The following ZNF529 variants were observed in gnomAD, a reference collection of about 807,000 sequenced individuals.
The protein encoded by ZNF529 is zinc finger protein 529.
ZNF529 carries 11 observed loss-of-function variants against 10.1 expected under a neutral mutation model. The observed-to-expected ratio is 1.09, with a 90% confidence interval of 0.69 to 1.81. ZNF529 has a LOEUF of 1.81. Ranked by LOEUF, ZNF529 falls within the 40% of genes most tolerant of loss-of-function variation. The pLI, the probability that ZNF529 is intolerant of heterozygous loss-of-function variation, is 0.00. For missense variants in ZNF529, 624 were observed against 666.8 expected (o/e 0.94, Z 0.71); for synonymous variants, 204 against 215.7 (o/e 0.95, Z 0.47).
chr19:36,569,402 AG>A (rs1429427872), intron 2 of ZNF529, among the ~76,000 whole-genome samples: 1 of 152,246 alleles, frequency 6.6e-6, no homozygotes, highest in African/African-American at 2.4e-5. Context: ...AAACAGAGAA[AG>A]AACTAAAAAG....
chr19:36,546,827 G>A lies in ZNF529; in HGVS notation c.*39C>T, dbSNP rs2038267615. The A allele has an allele frequency of 1.9e-6, 3 of 1,560,554 alleles. No homozygotes were observed. Among genetic ancestry groups the A allele is most frequent in the Non-Finnish European group, 2.6e-6 (3 of 1,154,698 alleles). On this transcript the variant is annotated 3_prime_UTR_variant, in exon 5 of 5. Transcript: ENST00000591340. ...TTAAATCCATCCACAGTATTTTCCT[G>A]TGAAAATCAGAAATAAAAAACCACT...
chr19:36,573,501 G>T (rs1318541075), upstream of ZNF529: 5 of 470,840 alleles, frequency 1.1e-5, no homozygotes, highest in Non-Finnish European at 2.2e-5. Context: ...CGCGGAAGAG[G>T]CGGCTGGTGG....
rs529727599 is a variant in ZNF529, at chr19:36,572,395, A to G, written c.-46-3T>C. 40 of 1,549,822 alleles carry G rather than the reference A, an allele frequency of 2.6e-5. 1 individual carries two copies. The South Asian group carries it at 3.8e-4, about 15-fold the overall frequency. ...TCAGGGGGCCTTCACTTGCAGAACTACATAACCAAGAGGGAGAAAGGACTC... is the reference window on the plus strand; with the variant it reads ...TCAGGGGGCCTTCACTTGCAGAACTGCATAACCAAGAGGGAGAAAGGACTC... On this transcript the variant is annotated splice_region_variant and splice_polypyrimidine_tract_variant and intron_variant, in intron 1 of 4. Transcript: ENST00000591340.
chr19:36,546,137 TCA>T lies in ZNF529; in HGVS notation c.*727_*728del. On this transcript the variant is annotated 3_prime_UTR_variant, in exon 5 of 5. Transcript: ENST00000591340. ...ATAGTATACATCACACACATATACATCACACACTATATACACACATATAGTAT... is the reference window on the plus strand; with the variant it reads ...ATAGTATACATCACACACATATACATCACACTATATACACACATATAGTAT... 6.7e-6 allele frequency: 1 copy of T among 149,274 alleles called. No homozygotes were observed. Among genetic ancestry groups the T allele is most frequent in the African/African-American group, 2.5e-5 (1 of 40,652 alleles). 9.2% of individuals were successfully genotyped at this position (149,274 alleles called of 1,614,324 possible).
chr19:36,573,524 A>G, upstream of ZNF529: 1 of 467,256 alleles, frequency 2.1e-6, no homozygotes, highest in Non-Finnish European at 4.4e-6. Flanking sequence ...CCTGACGGCA[A>G]GGTGAAGTCG....
At chr19:36,562,608 G>A (rs2035746403) in intron 2 of ZNF529, among the ~76,000 whole-genome samples, 1 of 151,840 alleles carries the variant, frequency 6.6e-6, no homozygotes. Flanking sequence ...GGCCGAGGTG[G>A]GCGGATCACG....
intron 1 of ZNF529, chr19:36,593,923 A>G (rs2145282642): frequency 6.6e-6 from 1 of 152,232 alleles, no homozygotes; most frequent in East Asian, 1.9e-4. Flanking sequence ...AGCTTCCAAA[A>G]TCGGGGAGGT....
intron 2 of ZNF529, among the ~76,000 whole-genome samples, chr19:36,562,833 G>GAAA (rs35402563): frequency 1.7e-5 from 2 of 118,436 alleles, no homozygotes; most frequent in African/African-American, 3.0e-5. Context: ...TCTGTCTCCA[G>GAAA]AAAAAAAAAA....
chr19:36,590,649 G>A (rs893779237), intron 1 of ZNF529, among the ~76,000 whole-genome samples: 8 of 152,094 alleles, frequency 5.3e-5, no homozygotes, highest in African/African-American at 1.7e-4. Context: ...TAAAACCTTG[G>A]GTGGGCATGA....
intron 2 of ZNF529, among the ~76,000 whole-genome samples, chr19:36,567,752 A>C (rs536825148): frequency 1.4e-4 from 22 of 152,210 alleles, no homozygotes; most frequent in African/African-American, 5.3e-4. Context: ...TATATTTGGC[A>C]ATGGATTCTT....
chr19:36,553,355 G>A (rs968300547), intron 4 of ZNF529, among the ~76,000 whole-genome samples: 3 of 151,746 alleles, frequency 2.0e-5, no homozygotes, highest in African/African-American at 7.3e-5. Context: ...CAGGTTGGTC[G>A]CGAACTCCTG....
chr19:36,589,440 G>A (rs1415622177), intron 2 of ZNF529, among the ~76,000 whole-genome samples: 1 of 152,160 alleles, frequency 6.6e-6, no homozygotes, highest in Non-Finnish European at 1.5e-5. Context: ...ACATATCTGG[G>A]GGTCATTGAA....
intron 2 of ZNF529, among the ~76,000 whole-genome samples, chr19:36,568,510 C>T (rs1378444088): frequency 6.8e-6 from 1 of 148,080 alleles, no homozygotes; most frequent in Non-Finnish European, 1.5e-5. Flanking sequence ...CTCACTTTGT[C>T]ATCTAGGCTG....
intron 2 of ZNF529, among the ~76,000 whole-genome samples, chr19:36,560,602 T>TA (rs1242571265): frequency 6.6e-6 from 1 of 152,062 alleles, no homozygotes; most frequent in Non-Finnish European, 1.5e-5. Context: ...TTTAAAAACA[T>TA]AGACTTATAT....
Position 36,547,089 on chromosome 19 carries a change from C to T in ZNF529, c.1469G>A (p.Ser490Asn), listed in dbSNP as rs992526533. The part of the protein sequence containing the change: ...CKVCGKAFRH[S>N]SALTEHQRIH... ...TCTCTGATGTTCTGTAAGGGCTGAA[C>T]TATGTCTAAAGGCCTTCCCACATAC... The change falls in exon 5 of 5, where the codon AGT becomes AAT. Residue 490 changes from serine (S) to asparagine (N), a missense_variant. Coordinates refer to ENST00000591340, the MANE Select transcript of ZNF529 (RefSeq NM_020951.5). 9.1e-5 allele frequency: 147 copies of T among 1,613,794 alleles called. No homozygotes were observed. Among genetic ancestry groups the T allele is most frequent in the Non-Finnish European group, 1.2e-4 (142 of 1,179,946 alleles).
chr19:36,547,738 T>C lies in ZNF529; in HGVS notation c.820A>G (p.Arg274Gly). The C allele has an allele frequency of 1.9e-6, 3 of 1,613,780 alleles. No individual in the cohort carries two copies. Among genetic ancestry groups the C allele is most frequent in the South Asian group, 1.1e-5 (1 of 91,040 alleles). The change falls in exon 5 of 5, where the codon AGA becomes GGA. Residue 274 changes from arginine to glycine, a missense_variant. Transcript: ENST00000591340. ...AAGTGTTTCTCACCATCATGAACTCTTTGAAGTGGAGTAACTTTTCCAACT... is the reference window on the plus strand; with the variant it reads ...AAGTGTTTCTCACCATCATGAACTCCTTGAAGTGGAGTAACTTTTCCAACT... ...ERVGKVTPLQRVHDGEKHFEC... is the reference protein window; with the variant it reads ...ERVGKVTPLQGVHDGEKHFEC...
intron 2 of ZNF529, among the ~76,000 whole-genome samples, chr19:36,588,547 G>A (rs2036632380): frequency 6.6e-6 from 1 of 152,106 alleles, no homozygotes; most frequent in Non-Finnish European, 1.5e-5. Context: ...CCACACCTCT[G>A]TCATCCTTGT....
chr19:36,569,130 G>A (rs2036003099), intron 2 of ZNF529, among the ~76,000 whole-genome samples: 1 of 152,132 alleles, frequency 6.6e-6, no homozygotes, highest in African/African-American at 2.4e-5. Flanking sequence ...CAGGAAAAAC[G>A]TAAGACCTTA....
At chr19:36,549,977 AAG>A in intron 4 of ZNF529, among the ~76,000 whole-genome samples, 1 of 152,310 alleles carries the variant, frequency 6.6e-6, no homozygotes, top group South Asian at 2.1e-4. Flanking sequence ...TCATATGAAG[AAG>A]GTGGTCTAGG....
Sources: allele counts gnomAD v4.1 joint callset (sites outside exome capture counted in the v4.1 genomes callset), GRCh38; gene constraint gnomAD v4.1.1; transcripts MANE v1.5; gene names NCBI Gene and HGNC (gene_info 2026-07-23, HGNC 2026-07-21).